KMT2D: variants seen among roughly 807,000 people sequenced by gnomAD.
KMT2D encodes lysine methyltransferase 2D.
Under a neutral mutation model 512.7 loss-of-function variants are expected in KMT2D, and 55 were observed. The observed-to-expected ratio is 0.11, with a 90% CI of 0.09 to 0.13. The LOEUF is 0.13. KMT2D is among the 10% of genes least tolerant of loss of function. KMT2D has a pLI of 1.00. For missense variants in KMT2D, 6,061 were observed against 7,127.9 expected (o/e 0.85, Z 5.39); for synonymous variants, 2,995 against 2,904.0 (o/e 1.03, Z -1.01).
Position 49,050,514 on chromosome 12 carries a change from G to A in KMT2D, c.3074C>T (p.Ser1025Leu), listed in dbSNP as rs746163543. 1.7e-5 allele frequency: 27 copies of A among 1,610,516 alleles called. No homozygotes were observed. Among genetic ancestry groups the A allele is most frequent in the Admixed American group, 1.5e-4 (9 of 59,912 alleles). The part of the protein sequence containing the change: ...ILMEPLPPQC[S>L]PLLQHSLVPQ... The stretch of plus-strand genomic sequence containing the variant: ...AACCAGGGAATGCTGAAGGAGTGGC[G>A]AACACTGAGGAGGAAGGGGCTCCAT... Residue 1025 changes from serine (S) to leucine (L), a missense_variant, in exon 12 of 55, where the codon TCG (serine) becomes TTG (leucine). Around this residue, in one of 16 missense-constraint regions of KMT2D, gnomAD observed 447 missense variants for 500.1 expected, o/e 0.89. Transcript: ENST00000301067.
rs1163833238 is a variant in KMT2D at position 49,031,918 on chromosome 12, G to A, written c.12787C>T (p.Leu4263Phe). The change falls in exon 40 of 55, where the codon CTT becomes TTT. Residue 4263 changes from leucine (L) to phenylalanine (F), a missense_variant. Physicochemically the swap from Leu to Phe is conservative, Grantham distance 22. Coordinates refer to ENST00000301067, the MANE Select transcript of KMT2D (RefSeq NM_003482.4). ...GTCTGTGGTCCAGGGAAGCCCCCAA[G>A]TTGAGGTTGGCAGCCCAGGAGGCCC... ...LQGLLGCQPQ[L>F]GGFPGPQTGP... The A allele has an allele frequency of 4.6e-6, 7 of 1,537,174 alleles. No individual in the cohort carries two copies. Among genetic ancestry groups the A allele is most frequent in the Middle Eastern group, 1.8e-4 (1 of 5,692 alleles).
Position 49,043,115 on chromosome 12 carries a change from C to T in KMT2D, c.5605G>A (p.Gly1869Arg). Residue 1869 changes from glycine to arginine, a missense_variant, in exon 26 of 55, where the codon GGG becomes AGG. Transcript: ENST00000301067. Reference sequence around the variant, plus strand: ...CTGTCTAAGTCAGAGCTAAGCATCCCTTCACCTGGGGTGCCTGGCTTCTCA... The same window carrying T: ...CTGTCTAAGTCAGAGCTAAGCATCCTTTCACCTGGGGTGCCTGGCTTCTCA... ...DPEKPGTPGEGMLSSDLDRIS... is the reference protein window; with the variant it reads ...DPEKPGTPGERMLSSDLDRIS... The T allele has an allele frequency of 6.2e-7, 1 of 1,614,004 alleles. No individual in the cohort carries two copies. The highest frequency in any genetic ancestry group is 8.5e-7 in the Non-Finnish European group (1 of 1,179,858).
rs2137703261 is a variant in KMT2D, at chr12:49,022,001, G to A, written c.16521+42C>T. 1 of 1,580,364 alleles carries A rather than the reference G, an allele frequency of 6.3e-7. No individual in the cohort carries two copies. The highest frequency in any genetic ancestry group is 8.7e-7 in the Non-Finnish European group (1 of 1,149,374). Reference sequence around the variant, plus strand: ...GAATGGCAGAGAAGGGGTGAAAGGAGGAGGAGCTGCTTTGTCACTCAGTCA... The same window carrying A: ...GAATGGCAGAGAAGGGGTGAAAGGAAGAGGAGCTGCTTTGTCACTCAGTCA... On this transcript the variant is annotated intron_variant, in intron 54 of 54. Transcript: ENST00000301067. This position sits in a 1 kb window ranked among gnomAD's most constrained non-coding sequence, Gnocchi z 8.6.
chr12:49,021,048 G>A lies in KMT2D; in HGVS notation c.*732C>T, dbSNP rs1231140195. The A allele has an allele frequency of 5.1e-6, 1 of 197,538 alleles. No homozygotes were observed. Among genetic ancestry groups the A allele is most frequent in the African/African-American group, 2.3e-5 (1 of 43,284 alleles). 12.2% of individuals were successfully genotyped at this position (197,538 alleles called of 1,614,324 possible). A position where few individuals can be genotyped will look rare whatever the true frequency, so the allele number is the denominator to read the frequency against. ...GGGGGAGAGGGTTGGGGCAGTAGGG[G>A]GCTTGGAGAGGGTCTCACATTTCAA... On this transcript the variant is annotated 3_prime_UTR_variant, in exon 55 of 55. Coordinates refer to ENST00000301067, the MANE Select transcript of KMT2D (RefSeq NM_003482.4).
At chr12:49,036,009 T>C (rs1238664953) in intron 35 of KMT2D, 1 of 152,270 alleles carries the variant, frequency 6.6e-6, no homozygotes, top group Admixed American at 6.5e-5. Flanking sequence ...TCCACTTCTG[T>C]TTCCTCTTCT....
At position 49,024,944 on chromosome 12, in the gene KMT2D, C is replaced by T. The variant is rs398123731; in HGVS notation, c.15787G>A (p.Val5263Met). ...ACAGGCTCAATGATGCGATTCCACA[C>T]GGCTAAGAAGCAGGGAAGAGAGCAG... ...LVFTDASPQA[V>M]WNRIIEPVAA... is the part of the protein sequence containing the mutation. Residue 5263 changes from valine (V) to methionine (M), a missense_variant and splice_region_variant, in exon 50 of 55, where the codon GTG becomes ATG. Val to Met is a conservative substitution (Grantham distance 21). Coordinates refer to ENST00000301067, the MANE Select transcript of KMT2D (RefSeq NM_003482.4). This position sits in a 1 kb window ranked among gnomAD's most constrained non-coding sequence, Gnocchi z 4.5. 5.0e-6 allele frequency: 8 copies of T among 1,590,212 alleles called. No homozygotes were observed. Among genetic ancestry groups the T allele is most frequent in the East Asian group, 2.3e-5 (1 of 43,602 alleles).
intron 1 of KMT2D, among the ~76,000 whole-genome samples, chr12:49,059,017 C>T (rs764895005): frequency 6.6e-5 from 10 of 152,086 alleles, no homozygotes; most frequent in Non-Finnish European, 1.0e-4. Flanking sequence ...CTGCCCCAGC[C>T]CCGCCTCCTT....
Position 49,021,477 on chromosome 12 carries a change from T to C in KMT2D, c.*303A>G. 2 of 447,094 alleles carry C rather than the reference T, an allele frequency of 4.5e-6. No homozygotes were observed. Among genetic ancestry groups the C allele is most frequent in the Non-Finnish European group, 8.1e-6 (2 of 247,002 alleles). The allele number at this position is 447,094 out of a possible 1,614,324, so 27.7% of individuals were successfully genotyped here. A position where few individuals can be genotyped will look rare whatever the true frequency, so the allele number is the denominator to read the frequency against. ...CTGCCTCCCAGATGCTTCTGGGTAG[T>C]TCCCGGCCCATATCCCCCTCAAACC... On this transcript the variant is annotated 3_prime_UTR_variant, in exon 55 of 55. Transcript: ENST00000301067.
chr12:49,041,927 G>C lies in KMT2D; in HGVS notation c.6173C>G (p.Ala2058Gly). 6.2e-7 allele frequency: 1 copy of C among 1,606,758 alleles called. No homozygotes were observed. The highest frequency in any genetic ancestry group is 8.5e-7 in the Non-Finnish European group (1 of 1,176,204). The change falls in exon 30 of 55, where the codon GCC becomes GGC. Residue 2058 changes from alanine to glycine, a missense_variant. Transcript: ENST00000301067. This position sits in a 1 kb window ranked among gnomAD's most constrained non-coding sequence, Gnocchi z 5.4. ...TCCTTTCTGCCTCACCAGGTAGGGG[G>C]CTTTGTCAGCTGCTGGAACCTTTCT... ...LWRKVPAADK[A>G]PYLQKAKDNR...
chr12:49,057,424 C>T (rs1938476434), intron 1 of KMT2D, among the ~76,000 whole-genome samples: 1 of 152,194 alleles, frequency 6.6e-6, no homozygotes, highest in South Asian at 2.1e-4. Context: ...AGCCCTCCCC[C>T]GAGCTCAGCC....
At position 49,037,961 on chromosome 12, in the gene KMT2D, C is replaced by T. The variant is rs1393552802; in HGVS notation, c.9395G>A (p.Cys3132Tyr). The change falls in exon 35 of 55, where the codon TGC becomes TAC. Residue 3132 changes from cysteine (C) to tyrosine (Y), a missense_variant. Physicochemically the swap from Cys to Tyr is radical, Grantham distance 194. Around this residue, in one of 16 missense-constraint regions of KMT2D, gnomAD observed 533 missense variants for 539.6 expected, o/e 0.99. Coordinates refer to ENST00000301067, the MANE Select transcript of KMT2D (RefSeq NM_003482.4). Reference protein sequence around the residue: ...VEEGGRHPSPCQFTIATPKVE... With the variant: ...VEEGGRHPSPYQFTIATPKVE... ...CTTGGGGGTAGCAATGGTGAATTGGCAAGGAGAAGGGTGGCGTCCACCCTC... is the reference window on the plus strand; with the variant it reads ...CTTGGGGGTAGCAATGGTGAATTGGTAAGGAGAAGGGTGGCGTCCACCCTC... The T allele has an allele frequency of 6.2e-7, 1 of 1,603,148 alleles. No homozygotes were observed. The highest frequency in any genetic ancestry group is 8.5e-7 in the Non-Finnish European group (1 of 1,175,114).
Position 49,053,654 on chromosome 12 carries a change from G to A in KMT2D, c.674-13C>T, listed in dbSNP as rs375837753. ...CAGCGAGCCTCCTCTGCAGGGGGTA[G>A]AGACACCACAGGTCAGCTATGGATT... is the stretch of plus-strand genomic sequence containing the variant. On this transcript the variant is annotated splice_polypyrimidine_tract_variant and intron_variant, in intron 6 of 54. Transcript: ENST00000301067. The A allele has an allele frequency of 6.3e-7, 1 of 1,585,804 alleles. No homozygotes were observed. Among genetic ancestry groups the A allele is most frequent in the Non-Finnish European group, 8.6e-7 (1 of 1,166,306 alleles).
chr12:49,021,418 G>C lies in KMT2D; in HGVS notation c.*362C>G. 3.0e-6 allele frequency: 1 copy of C among 333,998 alleles called. No individual in the cohort carries two copies. The highest frequency in any genetic ancestry group is 5.5e-6 in the Non-Finnish European group (1 of 180,610). 20.7% of individuals were successfully genotyped at this position (333,998 alleles called of 1,614,324 possible). On this transcript the variant is annotated 3_prime_UTR_variant, in exon 55 of 55. Transcript: ENST00000301067. The stretch of plus-strand genomic sequence containing the variant: ...AGGTCAGTGGGAGCAGCAGGGCTGT[G>C]AGGCCCGGCCACACATCCTCTTCCC...
In KMT2D at chr12:49,049,188, G is replaced by T. The variant is rs769189340; in HGVS notation, c.3937C>A (p.Arg1313=). ...CCTCCATGGGCTCCTCCACGAGGCC[G>T]GCGTCTTCCTGGGAAACTGCTGCTG... ...GRSSSFPGRR[R]PRGGAHGGRG... Residue 1313 remains arginine (R), a synonymous_variant, in exon 13 of 55, where the codon CGG becomes AGG. Coordinates refer to ENST00000301067, the MANE Select transcript of KMT2D (RefSeq NM_003482.4). 1 of 1,607,582 alleles carries T rather than the reference G, an allele frequency of 6.2e-7. No homozygotes were observed. The highest frequency in any genetic ancestry group is 8.5e-7 in the Non-Finnish European group (1 of 1,176,770).
chr12:49,024,514 G>A lies in KMT2D; in HGVS notation c.16052+64C>T, dbSNP rs185796564. On this transcript the variant is annotated intron_variant, in intron 51 of 54. Coordinates refer to ENST00000301067, the MANE Select transcript of KMT2D (RefSeq NM_003482.4). This position sits in a 1 kb window ranked among gnomAD's most constrained non-coding sequence, Gnocchi z 4.5. ...GATCTGTATCCTAAATCCTCATAAT[G>A]GGACCAGAGGATCCCTGTCAACACC... 87 of 1,531,950 alleles carry A rather than the reference G, an allele frequency of 5.7e-5. No homozygotes were observed. Among genetic ancestry groups the A allele is most frequent in the Non-Finnish European group, 7.3e-5 (83 of 1,138,496 alleles). The allele number at this position is 1,531,950 out of a possible 1,614,324, so 94.9% of individuals were successfully genotyped here. A position where few individuals can be genotyped will look rare whatever the true frequency, so the allele number is the denominator to read the frequency against.
Position 49,027,842 on chromosome 12 carries a change from G to A in KMT2D, c.14604C>T (p.Thr4868=). The A allele has an allele frequency of 6.3e-7, 1 of 1,596,812 alleles. No individual in the cohort carries two copies. Among genetic ancestry groups the A allele is most frequent in the African/African-American group, 1.3e-5 (1 of 74,554 alleles). ...TCAAGATGTCTAGTTGGCTCTTCAG[G>A]GTATAGCCAGGCAACACTGCATCAA... The part of the protein sequence containing the change: ...KQFDAVLPGY[T]LKSQLDILSL... The change falls in exon 48 of 55, where the codon ACC becomes ACT. Residue 4868 remains threonine, a synonymous_variant. Transcript: ENST00000301067.
At position 49,032,079 on chromosome 12, in the gene KMT2D, G is replaced by A. The variant is rs765983115; in HGVS notation, c.12626C>T (p.Pro4209Leu). The A allele has an allele frequency of 1.1e-5, 18 of 1,613,792 alleles. No homozygotes were observed. Among genetic ancestry groups the A allele is most frequent in the Non-Finnish European group, 1.4e-5 (17 of 1,179,802 alleles). Residue 4209 changes from proline (P) to leucine (L), a missense_variant, in exon 40 of 55, where the codon CCA becomes CTA. Around this residue, in one of 16 missense-constraint regions of KMT2D, gnomAD observed 1,600 missense variants for 1,754.9 expected, o/e 0.91. Transcript: ENST00000301067. ...AQLQGVLAKN[P>L]QLRHLSPQQQ... ...CTGAGGACTTAAGTGCCGCAGCTGT[G>A]GGTTTTTGGCCAGGACTCCTTGGAG...
rs545791832 is a variant in KMT2D, at chr12:49,052,667, G to A, written c.1155C>T (p.Pro385=). The A allele has an allele frequency of 1.8e-4, 298 of 1,613,678 alleles. 2 individuals are homozygous for A. The South Asian group carries it at 2.0e-3, about 11-fold the overall frequency. The part of the protein sequence containing the change: ...PEPGDTPTDE[P]DALYVACQGQ... ...CTTGGCATGCAACGTACAGAGCATC[G>A]GGCTCGTCAGTGGGGGTATCGCCAG... The change falls in exon 10 of 55, where the codon CCC becomes CCT. Residue 385 remains proline (P), a synonymous_variant. Transcript: ENST00000301067.
Position 49,027,896 on chromosome 12 carries a change from T to C in KMT2D, c.14550A>G (p.Pro4850=). 6.2e-7 allele frequency: 1 copy of C among 1,613,752 alleles called. No individual in the cohort carries two copies. Among genetic ancestry groups the C allele is most frequent in the African/African-American group, 1.3e-5 (1 of 75,038 alleles). The stretch of plus-strand genomic sequence containing the variant: ...GCTTCAGCCAATCAGGGCCAGTGTC[T>C]GGGCTCTTGCCTTCCAGACCCTTTT... ...GKEKGLEGKS[P]DTGPDWLKQF... Residue 4850 remains proline, a synonymous_variant, in exon 48 of 55, where the codon CCA becomes CCG. Transcript: ENST00000301067.
Sources: allele counts gnomAD v4.1 joint callset (sites outside exome capture counted in the v4.1 genomes callset), GRCh38; gene constraint gnomAD v4.1.1; regional missense constraint gnomAD v4.1.1; non-coding constraint Gnocchi (gnomAD v3.1); transcripts MANE v1.5; gene names NCBI Gene and HGNC (gene_info 2026-07-23, HGNC 2026-07-21).